Variants in NKAIN2 observed in about 807,000 individuals in gnomAD.
NKAIN2 encodes the protein sodium/potassium-transporting ATPase subunit beta-1-interacting protein 2.
A neutral mutation model predicts 32.6 loss-of-function variants in NKAIN2; 14 were observed. The observed-to-expected ratio is 0.43, with a 90% CI of 0.28 to 0.67. The LOEUF is 0.67. NKAIN2 is among the 30% of genes least tolerant of loss of function. The probability of loss-of-function intolerance (pLI) is 0.17; values close to 1 mark genes in which losing one functional copy is unlikely to be tolerated. For missense variants in NKAIN2, 198 were observed against 258.3 expected, an observed-to-expected ratio of 0.77 and a Z score of 1.60; for synonymous variants, 80 against 87.2, an observed-to-expected ratio of 0.92 and a Z score of 0.46.
At chr6:124,247,090 T>C (rs150654034) in intron 1 of NKAIN2, among the ~76,000 whole-genome samples, 9 of 152,178 alleles carry the variant, frequency 5.9e-5, no homozygotes, top group African/African-American at 2.2e-4. Flanking sequence ...GCCTTCACTC[T>C]CTGAGCACTG....
At position 124,200,553 on chromosome 6, in the gene NKAIN2, T is replaced by G. The variant is rs539036111; in HGVS notation, c.55-82452T>G. On this transcript the variant is annotated intron_variant, in intron 1 of 6. Coordinates refer to ENST00000368417, the MANE Select transcript of NKAIN2 (RefSeq NM_001040214.3). ...TATATTGCATTTCTCCACTTTTCAT[T>G]TAAAATATGCTAATATTTAAATCAC... 9.2e-5 allele frequency among the ~76,000 whole-genome samples: 14 copies of G among 152,254 alleles called. No individual in the cohort carries two copies. The South Asian group carries it at 2.9e-3, about 32-fold the overall frequency.
chr6:124,732,648 A>C (rs1776740019), intron 4 of NKAIN2, among the ~76,000 whole-genome samples: 1 of 152,040 alleles, frequency 6.6e-6, no homozygotes, highest in South Asian at 2.1e-4. Flanking sequence ...AATCTGAATA[A>C]GATTGTATGG....
intron 1 of NKAIN2, among the ~76,000 whole-genome samples, chr6:124,237,964 C>A (rs1326563210): frequency 6.6e-6 from 1 of 151,932 alleles, no homozygotes; most frequent in Non-Finnish European, 1.5e-5. Flanking sequence ...AAGATGTGGT[C>A]AGAGGATAAT....
chr6:123,997,794 A>T (rs1033773706), intron 1 of NKAIN2, among the ~76,000 whole-genome samples: 5 of 151,656 alleles, frequency 3.3e-5, no homozygotes, highest in Admixed American at 3.3e-4. Flanking sequence ...TAGTAGAGGC[A>T]GGGTTTCACC....
At chr6:123,900,317 A>G (rs1464982062) in intron 1 of NKAIN2, among the ~76,000 whole-genome samples, 1 of 151,666 alleles carries the variant, frequency 6.6e-6, no homozygotes, top group African/African-American at 2.4e-5. Context: ...TAAAAATACA[A>G]AAAATATTAG....
intron 3 of NKAIN2, among the ~76,000 whole-genome samples, chr6:124,622,133 G>A (rs907009913): frequency 3.3e-5 from 5 of 152,150 alleles, no homozygotes; most frequent in Non-Finnish European, 7.4e-5. Flanking sequence ...GGACTTTAGG[G>A]AAGAATCCTT....
chr6:124,146,186 A>C lies in NKAIN2; in HGVS notation c.55-136819A>C, dbSNP rs147299176. ...ATCTCAATAAAAATGCCAATTTATAAAGAAATTGTTAGAACACATTTGCAA... is the reference window on the plus strand; with the variant it reads ...ATCTCAATAAAAATGCCAATTTATACAGAAATTGTTAGAACACATTTGCAA... On this transcript the variant is annotated intron_variant, in intron 1 of 6. Transcript: ENST00000368417. 4.4e-3 allele frequency among the ~76,000 whole-genome samples: 665 copies of C among 152,336 alleles called. 5 individuals carry two copies. The highest frequency in any genetic ancestry group is 0.013 in the African/African-American group (554 of 41,576).
At chr6:124,725,168 T>C (rs1263592757) in intron 4 of NKAIN2, among the ~76,000 whole-genome samples, 2 of 152,210 alleles carry the variant, frequency 1.3e-5, no homozygotes, top group African/African-American at 4.8e-5. Context: ...GAATATCTTC[T>C]CACTTCTCAT....
At chr6:123,895,673 A>G (rs1774246401) in intron 1 of NKAIN2, among the ~76,000 whole-genome samples, 1 of 152,202 alleles carries the variant, frequency 6.6e-6, no homozygotes, top group Non-Finnish European at 1.5e-5. Flanking sequence ...CTCTAATGCA[A>G]ACGTAAGTTT....
At chr6:124,242,423 G>A (rs1482076878) in intron 1 of NKAIN2, among the ~76,000 whole-genome samples, 1 of 152,110 alleles carries the variant, frequency 6.6e-6, no homozygotes, top group Non-Finnish European at 1.5e-5. Flanking sequence ...TGGAGAAATA[G>A]GAATGCTTTT....
chr6:124,279,446 G>T (rs1230009872), intron 1 of NKAIN2, among the ~76,000 whole-genome samples: 1 of 149,406 alleles, frequency 6.7e-6, no homozygotes, highest in African/African-American at 2.5e-5. Context: ...GGCAGAGCTT[G>T]CAGTGAGCCG....
chr6:124,482,882 C>T (rs1194019222), intron 3 of NKAIN2, among the ~76,000 whole-genome samples: 1 of 152,164 alleles, frequency 6.6e-6, no homozygotes, highest in East Asian at 1.9e-4. Flanking sequence ...CGCCTGTAAT[C>T]CCAGCACTTC....
chr6:124,145,040 T>G (rs975020762), intron 1 of NKAIN2, among the ~76,000 whole-genome samples: 6 of 152,184 alleles, frequency 3.9e-5, no homozygotes, highest in African/African-American at 1.4e-4. Flanking sequence ...TTAACATCAT[T>G]AACTATGAAG....
intron 4 of NKAIN2, chr6:124,658,718 A>G: frequency 4.2e-6 from 2 of 471,502 alleles, no homozygotes; most frequent in Non-Finnish European, 7.4e-6. Context: ...ATAACGTTCT[A>G]CAGTACTCAA....
chr6:124,535,993 G>A (rs572146435), intron 3 of NKAIN2, among the ~76,000 whole-genome samples: 1 of 152,298 alleles, frequency 6.6e-6, no homozygotes, highest in East Asian at 1.9e-4. Context: ...GCTGCCGATG[G>A]GCAGCTAGCC....
At chr6:124,495,181 T>C (rs1778016916) in intron 3 of NKAIN2, among the ~76,000 whole-genome samples, 1 of 152,138 alleles carries the variant, frequency 6.6e-6, no homozygotes, top group Non-Finnish European at 1.5e-5. Flanking sequence ...ATCAAGTACA[T>C]TGACTGTCAC....
At chr6:124,359,656 C>G (rs866179077) in intron 3 of NKAIN2, among the ~76,000 whole-genome samples, 7 of 152,142 alleles carry the variant, frequency 4.6e-5, no homozygotes, top group Middle Eastern at 3.2e-3. Context: ...TGCCTATCAG[C>G]TTAAGGAGAT....
intron 4 of NKAIN2, among the ~76,000 whole-genome samples, chr6:124,668,082 C>T (rs372623901): frequency 2.0e-5 from 3 of 152,198 alleles, no homozygotes; most frequent in East Asian, 1.9e-4. Context: ...TCCCGACTGC[C>T]GTTCATTTTG....
At chr6:124,013,318 A>G (rs1780419889) in intron 1 of NKAIN2, among the ~76,000 whole-genome samples, 1 of 152,132 alleles carries the variant, frequency 6.6e-6, no homozygotes, top group African/African-American at 2.4e-5. Flanking sequence ...GATGAAGTAA[A>G]TTTTATCAAT....
Sources: allele counts gnomAD v4.1 joint callset (sites outside exome capture counted in the v4.1 genomes callset), GRCh38; gene constraint gnomAD v4.1.1; transcripts MANE v1.5; gene names NCBI Gene and HGNC (gene_info 2026-07-23, HGNC 2026-07-21).